Variants in IRAK1BP1 observed in about 807,000 individuals in gnomAD.
IRAK1BP1 encodes the protein interleukin 1 receptor associated kinase 1 binding protein 1, also known as interleukin-1 receptor-associated kinase 1-binding protein 1.
A neutral mutation model predicts 28.0 loss-of-function variants in IRAK1BP1; 24 were observed. The ratio of observed to expected loss-of-function variants is 0.86; its 90% CI spans 0.62 to 1.20. The LOEUF is 1.20. Among genes scored for constraint, IRAK1BP1 ranks in the 50% most tolerant of loss-of-function variants. The pLI is 0.00. For missense variants in IRAK1BP1, 336 were observed against 316.7 expected (o/e 1.06, Z -0.46); for synonymous variants, 131 against 116.3 (o/e 1.13, Z -0.81).
In IRAK1BP1 at chr6:78,902,798, A is replaced by G; in HGVS notation, c.*4464A>G. Reference sequence around the variant, plus strand: ...TACATACATACATACATACATACATACATACATACATACATACATACATAA... The same window carrying G: ...TACATACATACATACATACATACATGCATACATACATACATACATACATAA... On this transcript the variant is annotated 3_prime_UTR_variant, in exon 4 of 4. Transcript: ENST00000369940. 2.2e-6 allele frequency: 1 copy of G among 457,964 alleles called. No homozygotes were observed. Among genetic ancestry groups the G allele is most frequent in the Non-Finnish European group, 3.9e-6 (1 of 255,790 alleles). The allele number at this position is 457,964 out of a possible 1,614,324, so 28.4% of individuals were successfully genotyped here.
chr6:78,904,523 G>A (rs1181922694), downstream of IRAK1BP1, among the ~76,000 whole-genome samples: 5 of 152,022 alleles, frequency 3.3e-5, no homozygotes, highest in East Asian at 3.9e-4. Context: ...TTGTTCGCAC[G>A]GGCATTAATT....
intron 4 of IRAK1BP1, among the ~76,000 whole-genome samples, chr6:78,922,488 G>C (rs1166682253): frequency 6.6e-6 from 1 of 152,174 alleles, no homozygotes; most frequent in Non-Finnish European, 1.5e-5. Flanking sequence ...AACCAAGTTG[G>C]AAAACACTTT....
chr6:78,951,195 G>T (rs72902838), downstream of IRAK1BP1, among the ~76,000 whole-genome samples: 14,397 of 152,020 alleles, frequency 0.095, 791 homozygotes, highest in Middle Eastern at 0.14. Flanking sequence ...ATATAAAAAT[G>T]ATTTTTTAAA....
At position 78,891,681 on chromosome 6, in the gene IRAK1BP1, C is replaced by T. The variant is rs529211769; in HGVS notation, c.382-6148C>T. ...TTCACCATGTTGGCCGGGCTGGTCT[C>T]GAACTCCTGGCCTCAGGCGATCCGC... On this transcript the variant is annotated intron_variant, in intron 2 of 3. Coordinates refer to ENST00000369940, the MANE Select transcript of IRAK1BP1 (RefSeq NM_001010844.4). Among the ~76,000 whole-genome samples, 11 of 152,202 alleles carry T rather than the reference C, an allele frequency of 7.2e-5. No homozygotes were observed. The South Asian group carries it at 1.9e-3, about 26-fold the overall frequency.
At chr6:78,941,089 T>C (rs754888929) in intron 4 of IRAK1BP1, 1 of 1,614,116 alleles carries the variant, frequency 6.2e-7, no homozygotes, top group Non-Finnish European at 8.5e-7. Flanking sequence ...AATTGCATGT[T>C]GAAGAAGGAA....
chr6:78,930,252 T>C (rs1773008148), intron 4 of IRAK1BP1, among the ~76,000 whole-genome samples: 1 of 152,208 alleles, frequency 6.6e-6, no homozygotes, highest in Non-Finnish European at 1.5e-5. Flanking sequence ...AATTGTTCTA[T>C]AGCATGTCAG....
chr6:78,966,737 A>C, the IRAK1BP1 span, among the ~76,000 whole-genome samples: 1 of 152,188 alleles, frequency 6.6e-6, no homozygotes, highest in South Asian at 2.1e-4. Flanking sequence ...TTTCTTATCT[A>C]AATATTCTCA....
rs189756896 is a variant in IRAK1BP1, at chr6:78,871,280, G to C, written c.315+3389G>C. 4.1e-6 allele frequency: 4 copies of C among 985,192 alleles called. No individual in the cohort carries two copies. The East Asian group carries it at 4.6e-4, about 112-fold the overall frequency. The allele number at this position is 985,192 out of a possible 1,614,324, so 61.0% of individuals were successfully genotyped here. A position where few individuals can be genotyped will look rare whatever the true frequency, so the allele number is the denominator to read the frequency against. On this transcript the variant is annotated intron_variant, in intron 1 of 3. Coordinates refer to ENST00000369940, the MANE Select transcript of IRAK1BP1 (RefSeq NM_001010844.4). Reference sequence around the variant, plus strand: ...TGGTCCTCCCTCACAAAAGTGTTTCGGTCACTCAGGATGCATATCTAAGTT... The same window carrying C: ...TGGTCCTCCCTCACAAAAGTGTTTCCGTCACTCAGGATGCATATCTAAGTT...
chr6:78,879,567 CAA>C (rs1198451500), intron 1 of IRAK1BP1, among the ~76,000 whole-genome samples: 1 of 152,146 alleles, frequency 6.6e-6, no homozygotes, highest in East Asian at 1.9e-4. Flanking sequence ...AAACTTTGTT[CAA>C]AATTGGTCAA....
the IRAK1BP1 span, among the ~76,000 whole-genome samples, chr6:78,972,566 G>T: frequency 3.1e-3 from 479 of 152,272 alleles, 3 homozygotes; most frequent in African/African-American, 0.011. Context: ...GGCTTCAGAC[G>T]ATCAAATTAC....
At position 78,902,063 on chromosome 6, in the gene IRAK1BP1, A is replaced by G. The variant is rs917846728; in HGVS notation, c.*3729A>G. On this transcript the variant is annotated 3_prime_UTR_variant, in exon 4 of 4. Transcript: ENST00000369940. ...CAAATGCTTTATTTATTCCAACAAA[A>G]AAAGACCTATATAAATTAGTTTAAG... 3 of 152,244 alleles carry G rather than the reference A, an allele frequency of 2.0e-5. No individual in the cohort carries two copies. Among genetic ancestry groups the G allele is most frequent in the Non-Finnish European group, 4.4e-5 (3 of 68,042 alleles). 9.4% of individuals were successfully genotyped at this position (152,244 alleles called of 1,614,324 possible).
intron 2 of IRAK1BP1, among the ~76,000 whole-genome samples, chr6:78,889,089 C>T (rs1466895620): frequency 1.4e-5 from 2 of 142,334 alleles, no homozygotes; most frequent in East Asian, 4.0e-4. Context: ...TGCACTGCAG[C>T]CTGGGCAACA....
chr6:78,971,771 G>A, the IRAK1BP1 span, among the ~76,000 whole-genome samples: 19 of 152,102 alleles, frequency 1.2e-4, no homozygotes, highest in East Asian at 3.9e-4. Flanking sequence ...GGTGACGGAC[G>A]GCACCTGGAA....
intron 2 of IRAK1BP1, among the ~76,000 whole-genome samples, chr6:78,897,005 C>T (rs1314363412): frequency 6.6e-6 from 1 of 151,880 alleles, no homozygotes; most frequent in African/African-American, 2.4e-5. Context: ...TGTCTCATGT[C>T]TACAACCGCT....
At chr6:78,921,873 C>G (rs957895718) in intron 4 of IRAK1BP1, among the ~76,000 whole-genome samples, 1 of 152,082 alleles carries the variant, frequency 6.6e-6, no homozygotes, top group Non-Finnish European at 1.5e-5. Context: ...CCTGACTGTT[C>G]GAAGGAAAAC....
At chr6:78,935,848 A>G in intron 4 of IRAK1BP1, 1 of 557,512 alleles carries the variant, frequency 1.8e-6, no homozygotes, top group Non-Finnish European at 2.3e-6. Flanking sequence ...CAAATAATAA[A>G]TCATGAGGCT....
chr6:78,941,274 C>T lies in IRAK1BP1; in HGVS notation c.*68-4134C>T, dbSNP rs752612974. The T allele has an allele frequency of 1.1e-5, 17 of 1,613,138 alleles. No homozygotes were observed. The South Asian group carries it at 1.9e-4, about 18-fold the overall frequency. On this transcript the variant is annotated intron_variant and NMD_transcript_variant, in intron 4 of 4. Transcript: ENST00000606868. ...CTCTTCACAAGTTTTGATGGCTGTC[C>T]TCCATGGCCATTTACTTGAATGGTT...
At chr6:78,972,164 T>G in the IRAK1BP1 span, among the ~76,000 whole-genome samples, 1 of 150,024 alleles carries the variant, frequency 6.7e-6, no homozygotes, top group Non-Finnish European at 1.5e-5. Context: ...GTTCTCCCAG[T>G]ACGCAGCTGG....
the IRAK1BP1 span, chr6:78,966,093 T>C: frequency 2.4e-6 from 3 of 1,229,888 alleles, no homozygotes; most frequent in South Asian, 1.2e-5. Context: ...CATTCTGAAA[T>C]GCATGGCTGC....
Sources: gnomAD v4.1 joint callset for allele counts (sites outside exome capture counted in the v4.1 genomes callset) on GRCh38, gnomAD v4.1.1 for gene constraint, MANE v1.5 for transcripts, NCBI Gene and HGNC (gene_info 2026-07-23, HGNC 2026-07-21) for gene names.